The following MAST3 variants were observed in gnomAD, a reference collection of about 807,000 sequenced individuals.
MAST3 encodes microtubule-associated serine/threonine-protein kinase 3.
Under a neutral mutation model 127.0 loss-of-function variants are expected in MAST3, and 43 were observed. The ratio of observed to expected loss-of-function variants is 0.34; its 90% CI spans 0.27 to 0.44. The LOEUF is 0.44. Ranked by LOEUF, MAST3 falls within the 20% of genes least tolerant of loss-of-function variation. The pLI is 1.00. For synonymous variants in MAST3, 785 were observed against 809.2 expected (o/e 0.97, Z 0.51); for missense variants, 1,390 against 1,919.1 (o/e 0.72, Z 5.15).
At chr19:18,121,650 G>A in intron 3 of MAST3, 35 bp from the exon 4 acceptor site, 2 of 1,588,204 alleles carry the variant, frequency 1.3e-6, no homozygotes, top group Non-Finnish European at 1.7e-6. Context: ...GGGGCCCTGG[G>A]CAGCCACCTA....
At chr19:18,146,780 G>A (rs1289841831) in intron 25 of MAST3, 101 bp from the exon 26 acceptor site, 2 of 1,178,004 alleles carry the variant, frequency 1.7e-6, no homozygotes, top group African/African-American at 1.5e-5. Flanking sequence ...GGGGTGGTGG[G>A]TCCCAGCTGG....
chr19:18,135,252 G>A lies in MAST3; in HGVS notation c.1870+270G>A, dbSNP rs117679131. On this transcript the variant is annotated intron_variant, in intron 17 of 27. Coordinates refer to ENST00000687212, the MANE Select transcript of MAST3 (RefSeq NM_001393504.1). ...GGCTGAGGCGGGAGGATCATATAAGGTCAGGAGTTTAAGACCAGCCTGGAC... is the reference window on the plus strand; with the variant it reads ...GGCTGAGGCGGGAGGATCATATAAGATCAGGAGTTTAAGACCAGCCTGGAC... Among the ~76,000 whole-genome samples, 732 of 152,124 alleles carry A rather than the reference G, an allele frequency of 4.8e-3. 2 individuals carry two copies. The highest frequency in any genetic ancestry group is 8.3e-3 in the Non-Finnish European group (563 of 67,976).
chr19:18,123,343 C>A lies in MAST3; in HGVS notation c.526C>A (p.Pro176Thr). Reference protein sequence around the residue: ...NVLDEEGGRSPRLRPRSRSLS... With the variant: ...NVLDEEGGRSTRLRPRSRSLS... ...GCTTGATGAGGAAGGCGGCCGGTCA[C>A]CCCGCCTCCGACCCCGCTCTCGCAG... Residue 176 changes from proline (P) to threonine (T), a missense_variant, in exon 7 of 28, where the codon CCC becomes ACC. Physicochemically the swap from Pro to Thr is conservative, Grantham distance 38. Around this residue, in one of 5 missense-constraint regions of MAST3, gnomAD observed 277 missense variants for 384.8 expected, o/e 0.72. Coordinates refer to ENST00000687212, the MANE Select transcript of MAST3 (RefSeq NM_001393504.1). 1 of 1,613,154 alleles carries A rather than the reference C, an allele frequency of 6.2e-7. No individual in the cohort carries two copies. Among genetic ancestry groups the A allele is most frequent in the Non-Finnish European group, 8.5e-7 (1 of 1,179,796 alleles).
intron 21 of MAST3, among the ~76,000 whole-genome samples, chr19:18,142,834 G>T (rs2042650263): frequency 6.6e-6 from 1 of 151,878 alleles, no homozygotes; most frequent in African/African-American, 2.4e-5. Context: ...TTGTAGGCCA[G>T]GTGCAGTGAC....
rs1484913765 is a variant in MAST3, at chr19:18,131,910, C to T, written c.1434C>T (p.Gly478=). Residue 478 remains glycine (G), a splice_region_variant and synonymous_variant, in exon 15 of 28, where the codon GGC becomes GGT. Coordinates refer to ENST00000687212, the MANE Select transcript of MAST3 (RefSeq NM_001393504.1). ...HLCMVMEYVE[G]GDCATLLKNM... ...TGACTACATCCGCCCTTCTCCCAGG[C>T]GGCGACTGCGCCACGCTCCTGAAGA... The T allele has an allele frequency of 4.4e-6, 7 of 1,581,420 alleles. No individual in the cohort carries two copies. Among genetic ancestry groups the T allele is most frequent in the South Asian group, 2.3e-5 (2 of 87,750 alleles).
intron 14 of MAST3, 38 bp downstream of exon 14, chr19:18,130,740 G>T (rs2041185622): frequency 6.3e-7 from 1 of 1,594,984 alleles, no homozygotes; most frequent in South Asian, 1.1e-5. Context: ...CAGCGATGGG[G>T]AGCTCACCCC....
chr19:18,105,404 C>T (rs560960715), intron 1 of MAST3, among the ~76,000 whole-genome samples: 1 of 151,628 alleles, frequency 6.6e-6, no homozygotes, highest in South Asian at 2.1e-4. Context: ...GTTTTTTGGC[C>T]AGGCATGGTG....
chr19:18,116,213 C>T (rs1385711528), intron 3 of MAST3, among the ~76,000 whole-genome samples: 1 of 150,800 alleles, frequency 6.6e-6, no homozygotes, highest in Non-Finnish European at 1.5e-5. Context: ...ACCACCTCAG[C>T]CTCCAGAGCA....
At chr19:18,121,974 G>A (rs2040035818) in intron 5 of MAST3, 52 bp downstream of exon 5, 1 of 1,599,462 alleles carries the variant, frequency 6.3e-7, no homozygotes. Flanking sequence ...GGCAAGGGTT[G>A]GGCAGGGGCA....
intron 1 of MAST3, among the ~76,000 whole-genome samples, chr19:18,100,128 C>CTCTCTCTCTTTTTTTTTTTTT (rs776661078): frequency 4.1e-5 from 5 of 121,720 alleles, no homozygotes; most frequent in African/African-American, 1.4e-4. Context: ...CTCTCTCTCT[C>CTCTCTCTCTTTTTTTTTTTTT]TTTTTTTTTT....
At chr19:18,123,743 C>A in intron 8 of MAST3, 88 bp downstream of exon 8, 1 of 1,199,942 alleles carries the variant, frequency 8.3e-7, no homozygotes, top group Non-Finnish European at 1.1e-6. Context: ...TGGCTATGTC[C>A]CCTTTGCCAG....
In MAST3 at chr19:18,110,138, G is replaced by C; in HGVS notation, c.72-514G>C. 1 of 985,350 alleles carries C rather than the reference G, an allele frequency of 1.0e-6. No homozygotes were observed. Among genetic ancestry groups the C allele is most frequent in the East Asian group, 1.1e-4 (1 of 8,796 alleles). The allele number at this position is 985,350 out of a possible 1,614,324, so 61.0% of individuals were successfully genotyped here. A position where few individuals can be genotyped will look rare whatever the true frequency, so the allele number is the denominator to read the frequency against. On this transcript the variant is annotated intron_variant, in intron 2 of 27. Coordinates refer to ENST00000687212, the MANE Select transcript of MAST3 (RefSeq NM_001393504.1). The surrounding 1 kb of genome is among the most constrained non-coding windows in gnomAD (Gnocchi z 4.3). ...GGTGCGGAGCTGCGATCCCCGCCCCGAGGCGGAGCCAGCCCGGCCCCCAGC... is the reference window on the plus strand; with the variant it reads ...GGTGCGGAGCTGCGATCCCCGCCCCCAGGCGGAGCCAGCCCGGCCCCCAGC...
chr19:18,151,387 G>T lies in MAST3; in HGVS notation c.*1661G>T, dbSNP rs1383771716. Reference sequence around the variant, plus strand: ...CCTGTCCCACGATCACCCAGCAGGAGTCGTGGCAGAACGGAGCATCAGCCA... The same window carrying T: ...CCTGTCCCACGATCACCCAGCAGGATTCGTGGCAGAACGGAGCATCAGCCA... On this transcript the variant is annotated 3_prime_UTR_variant, in exon 28 of 28. Transcript: ENST00000687212. 6.6e-6 allele frequency: 1 copy of T among 152,204 alleles called. No homozygotes were observed. The highest frequency in any genetic ancestry group is 2.4e-5 in the African/African-American group (1 of 41,442). The allele number at this position is 152,204 out of a possible 1,614,324, so 9.4% of individuals were successfully genotyped here.
chr19:18,110,436 G>A lies in MAST3; in HGVS notation c.72-216G>A. 1.0e-6 allele frequency: 1 copy of A among 982,642 alleles called. No homozygotes were observed. The highest frequency in any genetic ancestry group is 1.2e-6 in the Non-Finnish European group (1 of 827,202). 60.9% of individuals were successfully genotyped at this position (982,642 alleles called of 1,614,324 possible). On this transcript the variant is annotated intron_variant, in intron 2 of 27. Transcript: ENST00000687212. The surrounding 1 kb of genome is among the most constrained non-coding windows in gnomAD (Gnocchi z 4.3). ...AGGATGACAACTACCCTCCCCCCAC[G>A]TCTCTGTTCGTGTCGCCCAGAAACG...
chr19:18,099,306 G>A (rs1387449390), intron 1 of MAST3, among the ~76,000 whole-genome samples: 1 of 150,466 alleles, frequency 6.6e-6, no homozygotes, highest in Non-Finnish European at 1.5e-5. Flanking sequence ...TGAGGCCAGA[G>A]GCAAGAGTGG....
intron 1 of MAST3, among the ~76,000 whole-genome samples, chr19:18,105,190 A>C (rs1303958122): frequency 6.6e-6 from 1 of 152,048 alleles, no homozygotes; most frequent in Non-Finnish European, 1.5e-5. Context: ...AACATAGTGA[A>C]ACCTCGTCTC....
intron 18 of MAST3, 32 bp downstream of exon 18, chr19:18,135,873 G>A (rs749116225): frequency 9.6e-5 from 146 of 1,524,158 alleles, no homozygotes; most frequent in Admixed American, 7.9e-4. Flanking sequence ...CCAGGTGGGT[G>A]GCTCCTTCAG....
At position 18,104,179 on chromosome 19, in the gene MAST3, C is replaced by CAAAA. The variant is rs56347763; in HGVS notation, c.40-3371_40-3368dup. On this transcript the variant is annotated intron_variant, in intron 1 of 27. Coordinates refer to ENST00000687212, the MANE Select transcript of MAST3 (RefSeq NM_001393504.1). The stretch of plus-strand genomic sequence containing the variant: ...TGGGCGACATAGCCAGACGCTGTCT[C>CAAAA]AAAAAAAAAAAAAAAAAAAAAAAAA... Among the ~76,000 whole-genome samples, 58 of 43,482 alleles carry CAAAA rather than the reference C, an allele frequency of 1.3e-3. 6 individuals carry two copies. The highest frequency in any genetic ancestry group is 2.9e-3 in the African/African-American group (26 of 8,858). The allele number at this position is 43,482 out of a possible 152,430, so 28.5% of individuals were successfully genotyped here.
chr19:18,101,737 G>C (rs1019141282), intron 1 of MAST3, among the ~76,000 whole-genome samples: 1 of 149,802 alleles, frequency 6.7e-6, no homozygotes, highest in Non-Finnish European at 1.5e-5. Context: ...TGCAGGCTCC[G>C]TCACCTGGAT....
Sources: gnomAD v4.1 joint callset for allele counts (sites outside exome capture counted in the v4.1 genomes callset) on GRCh38, gnomAD v4.1.1 for gene constraint, gnomAD v4.1.1 regional missense constraint, Gnocchi (gnomAD v3.1) non-coding constraint, MANE v1.5 for transcripts, NCBI Gene and HGNC (gene_info 2026-07-23, HGNC 2026-07-21) for gene names.